The following ZBTB2 variants were observed in gnomAD, a reference collection of about 807,000 sequenced individuals.
ZBTB2 encodes the protein zinc finger and BTB domain containing 2.
Under a neutral mutation model 39.5 loss-of-function variants are expected in ZBTB2, and 2 were observed. The observed-to-expected ratio is 0.05, with a 90% confidence interval of 0.02 to 0.16. The LOEUF (loss-of-function observed/expected upper bound fraction) is 0.16. Ranked by LOEUF, ZBTB2 falls within the 10% of genes least tolerant of loss-of-function variation. ZBTB2 has a pLI of 1.00. For synonymous variants in ZBTB2, 251 were observed against 256.6 expected (o/e 0.98, Z 0.21); for missense variants, 391 against 653.0 (o/e 0.60, Z 4.37).
At chr6:151,384,308 GAT>G (rs904206640) in intron 1 of ZBTB2, among the ~76,000 whole-genome samples, 5 of 152,288 alleles carry the variant, frequency 3.3e-5, no homozygotes, top group African/African-American at 1.2e-4. Flanking sequence ...TTTTAAGCAG[GAT>G]GACTTGATAA....
At chr6:151,390,469 C>A (rs1161335533) in intron 1 of ZBTB2, among the ~76,000 whole-genome samples, 1 of 150,010 alleles carries the variant, frequency 6.7e-6, no homozygotes, top group Admixed American at 6.6e-5. Context: ...CCAAGTCCCG[C>A]GGAGTTTAAC....
At chr6:151,388,555 G>A (rs1011609193) in intron 1 of ZBTB2, among the ~76,000 whole-genome samples, 1 of 152,162 alleles carries the variant, frequency 6.6e-6, no homozygotes, top group Non-Finnish European at 1.5e-5. Flanking sequence ...TTTTAATAGA[G>A]ATGTGGGATC....
intron 1 of ZBTB2, among the ~76,000 whole-genome samples, chr6:151,386,551 A>T (rs1273032318): frequency 2.6e-5 from 4 of 152,152 alleles, no homozygotes; most frequent in African/African-American, 9.7e-5. Flanking sequence ...CAACAACAAA[A>T]AACTGATCTG....
Position 151,366,961 on chromosome 6 carries a change from A to T in ZBTB2, c.174-69T>A. 6.9e-7 allele frequency: 1 copy of T among 1,453,852 alleles called. No homozygotes were observed. 90.1% of individuals were successfully genotyped at this position (1,453,852 alleles called of 1,614,324 possible). On this transcript the variant is annotated intron_variant, in intron 2 of 2. Coordinates refer to ENST00000325144, the MANE Select transcript of ZBTB2 (RefSeq NM_020861.3). The surrounding 1 kb of genome is among the most constrained non-coding windows in gnomAD (Gnocchi z 7.1). ...AGGTGTTAACATAAAGCCTGAAGAA[A>T]AAAATGAATGCTTAAAAACAAAGGA...
intron 1 of ZBTB2, among the ~76,000 whole-genome samples, chr6:151,385,132 G>A (rs546168267): frequency 6.6e-6 from 1 of 152,308 alleles, no homozygotes; most frequent in South Asian, 2.1e-4. Flanking sequence ...TAGCACAGGA[G>A]AGAGGAGGCA....
chr6:151,369,871 G>A (rs944435427), intron 2 of ZBTB2, among the ~76,000 whole-genome samples: 1 of 152,022 alleles, frequency 6.6e-6, no homozygotes, highest in African/African-American at 2.4e-5. Flanking sequence ...TACTGGGATC[G>A]CACTCCAGCC....
intron 1 of ZBTB2, among the ~76,000 whole-genome samples, chr6:151,382,161 T>C (rs1779047347): frequency 6.6e-6 from 1 of 152,244 alleles, no homozygotes; most frequent in African/African-American, 2.4e-5. Flanking sequence ...CGTAAAAATA[T>C]GGTATTATAA....
chr6:151,383,796 C>A (rs1562770648), intron 1 of ZBTB2, among the ~76,000 whole-genome samples: 2 of 152,120 alleles, frequency 1.3e-5, no homozygotes, highest in African/African-American at 4.8e-5. Flanking sequence ...CCTGCCCCTG[C>A]CCCTGCCCCT....
rs533584487 is a variant in ZBTB2 at position 151,389,691 on chromosome 6, A to C, written c.-13+1729T>G. ...CCATTGTATGATGAAAGAGCTAATGAACAATGCAGCTGGGGGAGGCGGGGA... is the reference window on the plus strand; with the variant it reads ...CCATTGTATGATGAAAGAGCTAATGCACAATGCAGCTGGGGGAGGCGGGGA... On this transcript the variant is annotated intron_variant, in intron 1 of 2. Coordinates refer to ENST00000325144, the MANE Select transcript of ZBTB2 (RefSeq NM_020861.3). Among the ~76,000 whole-genome samples the C allele has an allele frequency of 7.8e-4, 119 of 152,320 alleles. 1 individual carries two copies. In the Middle Eastern group the frequency reaches 0.02, roughly 26 times the overall value.
intron 1 of ZBTB2, among the ~76,000 whole-genome samples, chr6:151,379,787 T>C (rs1219751175): frequency 6.6e-6 from 1 of 152,160 alleles, no homozygotes; most frequent in African/African-American, 2.4e-5. Flanking sequence ...AATTTTATGT[T>C]TTAATGCCAT....
intron 1 of ZBTB2, among the ~76,000 whole-genome samples, chr6:151,384,757 G>A (rs1290958114): frequency 6.6e-6 from 1 of 152,186 alleles, no homozygotes. Flanking sequence ...ACACTGGTCT[G>A]GAGCTTGGAA....
chr6:151,380,945 C>T (rs1779021094), intron 1 of ZBTB2, among the ~76,000 whole-genome samples: 1 of 152,202 alleles, frequency 6.6e-6, no homozygotes, highest in Non-Finnish European at 1.5e-5. Context: ...CAATAAAAAC[C>T]AGGTACACAA....
intron 1 of ZBTB2, among the ~76,000 whole-genome samples, chr6:151,379,846 A>G (rs1778993260): frequency 6.6e-6 from 1 of 152,100 alleles, no homozygotes; most frequent in Admixed American, 6.6e-5. Context: ...TGGTTTTTAC[A>G]TGAATGGGTG....
intron 1 of ZBTB2, among the ~76,000 whole-genome samples, chr6:151,388,950 G>C (rs1779223944): frequency 6.6e-6 from 1 of 152,214 alleles, no homozygotes; most frequent in South Asian, 2.1e-4. Flanking sequence ...CTCCACTGTA[G>C]TGTAGACTGC....
chr6:151,366,478 G>C lies in ZBTB2; in HGVS notation c.588C>G (p.Asp196Glu), dbSNP rs752388287. Reference sequence around the variant, plus strand: ...CTGGAGACAGCGAGGTCTGCAGGGGGTCTGAGGGAGTCATATTTGTCCGAT... The same window carrying C: ...CTGGAGACAGCGAGGTCTGCAGGGGCTCTGAGGGAGTCATATTTGTCCGAT... ...QVNRTNMTPS[D>E]PLQTSLSPEL... Residue 196 changes from aspartate (D) to glutamate (E), a missense_variant, in exon 3 of 3, where the codon GAC becomes GAG. Asp to Glu is a conservative substitution (Grantham distance 45). Coordinates refer to ENST00000325144, the MANE Select transcript of ZBTB2 (RefSeq NM_020861.3). The surrounding 1 kb of genome is among the most constrained non-coding windows in gnomAD (Gnocchi z 7.1). The C allele has an allele frequency of 1.9e-6, 3 of 1,614,092 alleles. No homozygotes were observed. Among genetic ancestry groups the C allele is most frequent in the Non-Finnish European group, 2.5e-6 (3 of 1,180,026 alleles).
rs184134347 is a variant in ZBTB2, at chr6:151,385,722, T to C, written c.-13+5698A>G. 6.1e-3 allele frequency among the ~76,000 whole-genome samples: 932 copies of C among 152,306 alleles called. 2 individuals carry two copies. The highest frequency in any genetic ancestry group is 0.02 in the Middle Eastern group (6 of 294). ...GCAGAGGCATTACCCACAAGTAAGA[T>C]TGATTCTTTCAAGTAGTTTAGACCA... On this transcript the variant is annotated intron_variant, in intron 1 of 2. Transcript: ENST00000325144.
chr6:151,375,316 G>T (rs567588732), intron 1 of ZBTB2, among the ~76,000 whole-genome samples: 2 of 152,240 alleles, frequency 1.3e-5, no homozygotes, highest in Admixed American at 6.5e-5. Context: ...CAAAACATGT[G>T]CAGGACTTGC....
intron 2 of ZBTB2, among the ~76,000 whole-genome samples, chr6:151,367,567 G>A (rs1778678039): frequency 6.6e-6 from 1 of 152,178 alleles, no homozygotes; most frequent in Non-Finnish European, 1.5e-5. Flanking sequence ...TTACAGGAAA[G>A]GATTGAGGAT....
intron 1 of ZBTB2, among the ~76,000 whole-genome samples, chr6:151,384,587 C>A (rs1487125220): frequency 6.6e-6 from 1 of 152,068 alleles, no homozygotes. Flanking sequence ...ACTTCCTAGA[C>A]TTCTTATTTG....
Sources: allele counts gnomAD v4.1 joint callset (sites outside exome capture counted in the v4.1 genomes callset), GRCh38; gene constraint gnomAD v4.1.1; non-coding constraint Gnocchi (gnomAD v3.1); transcripts MANE v1.5; gene names NCBI Gene and HGNC (gene_info 2026-07-23, HGNC 2026-07-21).